RSPO3: variants seen among roughly 807,000 people sequenced by gnomAD.
The protein encoded by RSPO3 is R-spondin 3.
A neutral mutation model predicts 36.5 loss-of-function variants in RSPO3; 17 were observed. The observed-to-expected ratio is 0.47, with a 90% CI of 0.32 to 0.70. RSPO3 has a LOEUF of 0.70. RSPO3 is among the 30% of genes least tolerant of loss of function. The probability of loss-of-function intolerance (pLI) is 0.04; values close to 1 mark genes in which losing one functional copy is unlikely to be tolerated. For missense variants in RSPO3, 294 were observed against 322.5 expected (o/e 0.91, Z 0.68); for synonymous variants, 108 against 107.0 (o/e 1.01, Z -0.06).
chr6:127,187,835 C>A (rs2114262849), intron 4 of RSPO3, among the ~76,000 whole-genome samples: 1 of 152,172 alleles, frequency 6.6e-6, no homozygotes. Context: ...AATTATAATA[C>A]CCTGCTAGCT....
At chr6:127,147,374 CCTT>C (rs1266294278) in intron 1 of RSPO3, among the ~76,000 whole-genome samples, 1 of 152,154 alleles carries the variant, frequency 6.6e-6, no homozygotes, top group Non-Finnish European at 1.5e-5. Context: ...AGAGCCTACT[CCTT>C]CTACTACCAA....
chr6:127,195,853 A>T lies in RSPO3; in HGVS notation c.665A>T (p.Lys222Ile). Residue 222 changes from lysine (K) to isoleucine (I), a missense_variant, in exon 5 of 5, where the codon AAA (lysine) becomes ATA (isoleucine). This residue lies in a region of RSPO3 where 190 missense variants were observed against 185.2 expected (regional missense o/e 1.03). Coordinates refer to ENST00000356698, the MANE Select transcript of RSPO3 (RefSeq NM_032784.5). ...AAAGGAAGGGAGAGGAAAAGAAAAA[A>T]ACCTAATAAAGGAGAAAGTAAAGAA... ...GKKGRERKRK[K>I]PNKGESKEAI... 2 of 1,580,012 alleles carry T rather than the reference A, an allele frequency of 1.3e-6. No individual in the cohort carries two copies. The highest frequency in any genetic ancestry group is 1.7e-6 in the Non-Finnish European group (2 of 1,164,094).
intron 3 of RSPO3, among the ~76,000 whole-genome samples, chr6:127,154,239 G>A (rs767962441): frequency 6.6e-6 from 1 of 152,118 alleles, no homozygotes; most frequent in Non-Finnish European, 1.5e-5. Context: ...TTCTTTTTGT[G>A]GAAAGATAGT....
chr6:127,137,727 T>C (rs1774188757), intron 1 of RSPO3, among the ~76,000 whole-genome samples: 1 of 152,184 alleles, frequency 6.6e-6, no homozygotes, highest in Non-Finnish European at 1.5e-5. Context: ...TCCATTTGTC[T>C]CAGTTTTTCT....
At chr6:127,192,683 A>G (rs1172275631) in intron 4 of RSPO3, 1 of 985,320 alleles carries the variant, frequency 1.0e-6, no homozygotes, top group Non-Finnish European at 1.2e-6. Flanking sequence ...TTTAATCACT[A>G]GAATGTTCCA....
chr6:127,125,457 A>C (rs1316660578), intron 1 of RSPO3, among the ~76,000 whole-genome samples: 1 of 152,166 alleles, frequency 6.6e-6, no homozygotes, highest in East Asian at 1.9e-4. Flanking sequence ...TTACTATACC[A>C]AGCTAAAGTT....
At chr6:127,129,292 C>T (rs1157335574) in intron 1 of RSPO3, among the ~76,000 whole-genome samples, 1 of 152,038 alleles carries the variant, frequency 6.6e-6, no homozygotes, top group Non-Finnish European at 1.5e-5. Flanking sequence ...TCCATTAAAT[C>T]GTGTTTATGA....
At chr6:127,156,197 ATC>A (rs1258783846) in intron 4 of RSPO3, among the ~76,000 whole-genome samples, 3 of 152,110 alleles carry the variant, frequency 2.0e-5, no homozygotes, top group African/African-American at 7.2e-5. Flanking sequence ...TTCTTTTCAT[ATC>A]TGTCTCCAGA....
intron 4 of RSPO3, among the ~76,000 whole-genome samples, chr6:127,184,837 G>T (rs896904721): frequency 1.3e-5 from 2 of 151,874 alleles, no homozygotes; most frequent in Non-Finnish European, 2.9e-5. Context: ...GGCTGTCTTG[G>T]AATTGATACT....
intron 4 of RSPO3, among the ~76,000 whole-genome samples, chr6:127,164,755 TA>T (rs923036082): frequency 7.2e-5 from 11 of 152,168 alleles, no homozygotes; most frequent in African/African-American, 2.6e-4. Context: ...AACTCTAACC[TA>T]ATTACTGAAC....
chr6:127,168,973 C>T (rs963866488), intron 4 of RSPO3, among the ~76,000 whole-genome samples: 9 of 151,946 alleles, frequency 5.9e-5, no homozygotes, highest in South Asian at 2.1e-4. Context: ...TGTTTTGGTA[C>T]GAGGACCATG....
chr6:127,190,596 T>C (rs1051842144), intron 4 of RSPO3, among the ~76,000 whole-genome samples: 7 of 152,304 alleles, frequency 4.6e-5, no homozygotes, highest in Admixed American at 4.6e-4. Context: ...TGAATTTCAT[T>C]CCACACCAAA....
chr6:127,133,268 A>C (rs960511233), intron 1 of RSPO3, among the ~76,000 whole-genome samples: 2 of 152,132 alleles, frequency 1.3e-5, no homozygotes, highest in African/African-American at 4.8e-5. Context: ...ATGAGCAAGG[A>C]AAATAATCAA....
intron 1 of RSPO3, among the ~76,000 whole-genome samples, chr6:127,136,083 G>T (rs1774151749): frequency 6.6e-6 from 1 of 152,164 alleles, no homozygotes. Flanking sequence ...AAGTCACTTT[G>T]CAGTGGAGCC....
rs1161768093 is a variant in RSPO3, at chr6:127,167,232, C to T, written c.634+11794C>T. 2.0e-5 allele frequency among the ~76,000 whole-genome samples: 3 copies of T among 151,724 alleles called. No individual in the cohort carries two copies. In the East Asian group the frequency reaches 5.9e-4, roughly 30 times the overall value. On this transcript the variant is annotated intron_variant, in intron 4 of 4. Coordinates refer to ENST00000356698, the MANE Select transcript of RSPO3 (RefSeq NM_032784.5). Reference sequence around the variant, plus strand: ...GTTTGCTGCACAGATCGTCCCATCACCTATTAAGCCCAGCATCCATTAATT... The same window carrying T: ...GTTTGCTGCACAGATCGTCCCATCATCTATTAAGCCCAGCATCCATTAATT...
intron 4 of RSPO3, among the ~76,000 whole-genome samples, chr6:127,168,636 C>T (rs919833846): frequency 2.0e-5 from 3 of 151,968 alleles, no homozygotes; most frequent in African/African-American, 7.3e-5. Context: ...GGGTTTGTTG[C>T]CATTGCTTTT....
chr6:127,125,724 C>T (rs986014439), intron 1 of RSPO3, among the ~76,000 whole-genome samples: 3 of 152,020 alleles, frequency 2.0e-5, no homozygotes, highest in Non-Finnish European at 4.4e-5. Context: ...TTATGATATA[C>T]CTCATAATTC....
At chr6:127,193,461 G>T (rs1283687990) in intron 4 of RSPO3, among the ~76,000 whole-genome samples, 2 of 152,132 alleles carry the variant, frequency 1.3e-5, no homozygotes, top group African/African-American at 4.8e-5. Flanking sequence ...TGAACTTCTG[G>T]ATGATTTCCA....
chr6:127,155,583 T>C (rs555191827), intron 4 of RSPO3, 145 bp downstream of exon 4: 2 of 781,280 alleles, frequency 2.6e-6, no homozygotes, highest in East Asian at 5.4e-5. Flanking sequence ...TGCTTGTAAA[T>C]TACAGAATAT....
Sources: gnomAD v4.1 joint callset for allele counts (sites outside exome capture counted in the v4.1 genomes callset) on GRCh38, gnomAD v4.1.1 for gene constraint, gnomAD v4.1.1 regional missense constraint, MANE v1.5 for transcripts, NCBI Gene and HGNC (gene_info 2026-07-23, HGNC 2026-07-21) for gene names.